The following SLC44A5 variants were observed in gnomAD, a reference collection of about 807,000 sequenced individuals.
The protein encoded by SLC44A5 is choline transporter-like protein 5.
In SLC44A5, 57 loss-of-function variants were observed where a neutral mutation model predicts 101.8. The ratio of observed to expected loss-of-function variants is 0.56; its 90% CI spans 0.45 to 0.70. SLC44A5 has a LOEUF of 0.70. SLC44A5 is among the 30% of genes least tolerant of loss of function. The probability of loss-of-function intolerance (pLI) is 0.00; values close to 1 mark genes in which losing one functional copy is unlikely to be tolerated. For missense variants in SLC44A5, 737 were observed against 853.1 expected (o/e 0.86, Z 1.70); for synonymous variants, 281 against 290.9 (o/e 0.97, Z 0.35).
chr1:75,221,716 GCTAA>G (rs1439713899), intron 14 of SLC44A5, among the ~76,000 whole-genome samples: 1 of 152,064 alleles, frequency 6.6e-6, no homozygotes, highest in Non-Finnish European at 1.5e-5. Context: ...ATGTAATCTA[GCTAA>G]CTTTTATATA....
At chr1:75,636,465 T>C in the SLC44A5 span, among the ~76,000 whole-genome samples, 4 of 152,090 alleles carry the variant, frequency 2.6e-5, no homozygotes, top group African/African-American at 4.8e-5. Context: ...ATATAGGGAT[T>C]TAAACATGAT....
chr1:75,498,485 A>G (rs897881687), intron 2 of SLC44A5, among the ~76,000 whole-genome samples: 40 of 152,330 alleles, frequency 2.6e-4, no homozygotes, highest in African/African-American at 9.1e-4. Context: ...ATAGGAAAAT[A>G]TGGTACTCAT....
intron 1 of SLC44A5, among the ~76,000 whole-genome samples, chr1:75,551,413 A>G (rs978747344): frequency 3.9e-5 from 6 of 152,038 alleles, no homozygotes; most frequent in Non-Finnish European, 7.4e-5. Flanking sequence ...CTTTCTTCTA[A>G]TTTTATGCTT....
At chr1:75,242,744 A>G (rs1291490755) in intron 8 of SLC44A5, 142 bp downstream of exon 8, 2 of 988,986 alleles carry the variant, frequency 2.0e-6, no homozygotes, top group Admixed American at 2.6e-5. Context: ...CCCAGTACAC[A>G]TGCATTTCTG....
chr1:75,569,104 G>A (rs1362243003), intron 1 of SLC44A5, among the ~76,000 whole-genome samples: 5 of 151,956 alleles, frequency 3.3e-5, no homozygotes, highest in Admixed American at 1.3e-4. Context: ...GGAACGTCCA[G>A]CCCCATCACT....
Position 75,492,770 on chromosome 1 carries a change from T to C in SLC44A5, c.13+48665A>G, listed in dbSNP as rs542527617. On this transcript the variant is annotated intron_variant, in intron 2 of 23. Transcript: ENST00000370859. ...AAAGGTATTATGATTATTGCTTTTA[T>C]TTACTCAGCACGTCTTCTCCCTTCC... 1.3e-4 allele frequency among the ~76,000 whole-genome samples: 20 copies of C among 152,322 alleles called. No homozygotes were observed. The East Asian group carries it at 2.1e-3, about 16-fold the overall frequency.
At chr1:75,491,133 TAAC>T (rs1668405358) in intron 2 of SLC44A5, among the ~76,000 whole-genome samples, 1 of 152,142 alleles carries the variant, frequency 6.6e-6, no homozygotes, top group African/African-American at 2.4e-5. Flanking sequence ...GTTTGTGACC[TAAC>T]CCTGGCAAAT....
Position 75,427,569 on chromosome 1 carries a change from C to T in SLC44A5, c.14-30948G>A, listed in dbSNP as rs924786548. On this transcript the variant is annotated intron_variant, in intron 2 of 23. Coordinates refer to ENST00000370859, the MANE Select transcript of SLC44A5 (RefSeq NM_001130058.2). ...TTAATTAATCATGTCTCAAGGAAATCACATTATTTATGACTGATACAGATA... is the reference window on the plus strand; with the variant it reads ...TTAATTAATCATGTCTCAAGGAAATTACATTATTTATGACTGATACAGATA... Among the ~76,000 whole-genome samples the T allele has an allele frequency of 4.6e-5, 7 of 152,242 alleles. No homozygotes were observed. In the East Asian group the frequency reaches 7.7e-4, roughly 17 times the overall value.
intron 2 of SLC44A5, among the ~76,000 whole-genome samples, chr1:75,475,739 A>T (rs1300204654): frequency 1.3e-5 from 2 of 152,244 alleles, no homozygotes; most frequent in African/African-American, 4.8e-5. Context: ...CAGAGAAGCA[A>T]TATAGTATAT....
rs1553166266 is a variant in SLC44A5 at position 75,358,022 on chromosome 1, A to ACACG, written c.53-18393_53-18392insCGTG. On this transcript the variant is annotated intron_variant, in intron 3 of 23. Coordinates refer to ENST00000370859, the MANE Select transcript of SLC44A5 (RefSeq NM_001130058.2). ...GTCACTTACACACACACACACACAC[A>ACACG]CACACATACAATACACACAACATAG... Among the ~76,000 whole-genome samples the ACACG allele has an allele frequency of 3.3e-3, 497 of 151,874 alleles. 5 individuals carry two copies. Among genetic ancestry groups the ACACG allele is most frequent in the South Asian group, 0.017 (84 of 4,812 alleles).
the SLC44A5 span, among the ~76,000 whole-genome samples, chr1:75,711,533 A>G: frequency 2.6e-3 from 397 of 150,458 alleles, 3 homozygotes; most frequent in African/African-American, 9.1e-3. Flanking sequence ...CTTCAGCACA[A>G]TATTTCAGCT....
chr1:75,718,147 G>A, the SLC44A5 span, among the ~76,000 whole-genome samples: 1 of 152,134 alleles, frequency 6.6e-6, no homozygotes, highest in Non-Finnish European at 1.5e-5. Flanking sequence ...TCATGAAAAC[G>A]GACATTGTAT....
At chr1:75,273,431 A>G (rs1240266052) in intron 6 of SLC44A5, among the ~76,000 whole-genome samples, 1 of 151,960 alleles carries the variant, frequency 6.6e-6, no homozygotes, top group African/African-American at 2.4e-5. Flanking sequence ...GAAGTGTTGC[A>G]TGTAGACATC....
the SLC44A5 span, among the ~76,000 whole-genome samples, chr1:75,671,377 C>CA: frequency 3.9e-5 from 6 of 152,124 alleles, no homozygotes; most frequent in South Asian, 1.2e-3. Flanking sequence ...CCTCAGATGT[C>CA]AAAACATCAT....
At chr1:75,488,351 T>C (rs1253714042) in intron 2 of SLC44A5, among the ~76,000 whole-genome samples, 1 of 152,132 alleles carries the variant, frequency 6.6e-6, no homozygotes, top group Non-Finnish European at 1.5e-5. Context: ...CAGTACAACA[T>C]ATTGCTGTAC....
chr1:75,607,572 C>T (rs1244653272), intron 1 of SLC44A5, among the ~76,000 whole-genome samples: 2 of 151,756 alleles, frequency 1.3e-5, no homozygotes, highest in African/African-American at 4.8e-5. Context: ...GGGCTGTGTC[C>T]CCACCCAAAT....
chr1:75,678,739 G>T, the SLC44A5 span, among the ~76,000 whole-genome samples: 1 of 151,834 alleles, frequency 6.6e-6, no homozygotes, highest in African/African-American at 2.4e-5. Context: ...CTCCTCACCA[G>T]CAATGGAACA....
intron 3 of SLC44A5, among the ~76,000 whole-genome samples, chr1:75,372,578 G>A (rs1660302053): frequency 6.6e-6 from 1 of 152,114 alleles, no homozygotes; most frequent in Admixed American, 6.5e-5. Flanking sequence ...TTGAACAATG[G>A]TCAAAATGGG....
intron 3 of SLC44A5, among the ~76,000 whole-genome samples, chr1:75,394,724 T>G (rs1662018386): frequency 6.6e-6 from 1 of 152,120 alleles, no homozygotes; most frequent in Non-Finnish European, 1.5e-5. Context: ...GTTAGCACAG[T>G]TAAGCTTTCT....
Sources: allele counts gnomAD v4.1 joint callset (sites outside exome capture counted in the v4.1 genomes callset), GRCh38; gene constraint gnomAD v4.1.1; transcripts MANE v1.5; gene names NCBI Gene and HGNC (gene_info 2026-07-23, HGNC 2026-07-21).